Variants in ZNF804B observed in about 807,000 individuals in gnomAD.
ZNF804B encodes the protein zinc finger 804B.
ZNF804B carries 80 observed loss-of-function variants against 101.4 expected under a neutral mutation model. The observed-to-expected ratio is 0.79, with a 90% confidence interval of 0.66 to 0.95. The LOEUF is 0.95. Ranked by LOEUF, ZNF804B falls within the 40% of genes least tolerant of loss-of-function variation. ZNF804B has a pLI of 0.00. For missense variants in ZNF804B, 1,673 were observed against 1,561.9 expected, an observed-to-expected ratio of 1.07 and a Z score of -1.20; for synonymous variants, 622 against 558.8, an observed-to-expected ratio of 1.11 and a Z score of -1.59.
At chr7:89,265,249 G>T (rs1430113317) in intron 2 of ZNF804B, among the ~76,000 whole-genome samples, 1 of 150,490 alleles carries the variant, frequency 6.6e-6, no homozygotes, top group Non-Finnish European at 1.5e-5. Context: ...AGATTATAAA[G>T]TTCACAGGTT....
intron 2 of ZNF804B, among the ~76,000 whole-genome samples, chr7:89,294,758 A>G (rs1036798490): frequency 2.6e-5 from 4 of 151,862 alleles, no homozygotes; most frequent in African/African-American, 7.3e-5. Context: ...TTTTTCATAT[A>G]TATTAATGTA....
At chr7:89,057,330 A>G (rs1789312400) in intron 1 of ZNF804B, among the ~76,000 whole-genome samples, 1 of 151,982 alleles carries the variant, frequency 6.6e-6, no homozygotes, top group Non-Finnish European at 1.5e-5. Context: ...CTATAACTAT[A>G]TTTCTGTCCA....
At chr7:89,332,520 G>A (rs1430313551) in intron 3 of ZNF804B, among the ~76,000 whole-genome samples, 1 of 151,768 alleles carries the variant, frequency 6.6e-6, no homozygotes, top group Non-Finnish European at 1.5e-5. Context: ...CTTCTTTCCA[G>A]TGAAGCCTTC....
chr7:88,794,986 T>G, intron 1 of ZNF804B: 1 of 1,488,134 alleles, frequency 6.7e-7, no homozygotes, highest in South Asian at 1.4e-5. Context: ...GCTTTTAGCT[T>G]ATCATAATAT....
At chr7:89,140,280 T>C (rs1413213614) in intron 1 of ZNF804B, among the ~76,000 whole-genome samples, 1 of 152,074 alleles carries the variant, frequency 6.6e-6, no homozygotes, top group African/African-American at 2.4e-5. Flanking sequence ...TTTACCATAA[T>C]TCTTAGTGGC....
intron 1 of ZNF804B, among the ~76,000 whole-genome samples, chr7:89,062,183 A>G (rs973761170): frequency 1.3e-5 from 2 of 152,086 alleles, no homozygotes; most frequent in Non-Finnish European, 2.9e-5. Context: ...GAAATATACA[A>G]TCCTGCCACT....
intron 1 of ZNF804B, among the ~76,000 whole-genome samples, chr7:89,214,823 T>G (rs1221273361): frequency 6.6e-6 from 1 of 152,152 alleles, no homozygotes; most frequent in Admixed American, 6.5e-5. Context: ...AAATAAGAGA[T>G]TCTTGAATAT....
chr7:88,962,505 A>G (rs4727196), intron 1 of ZNF804B, among the ~76,000 whole-genome samples: 112,801 of 150,224 alleles, frequency 0.75, 42,590 homozygotes, highest in South Asian at 0.84. Flanking sequence ...GTTCCTAACG[A>G]GGTGGCTGCG....
chr7:89,193,700 T>C (rs1788497551), intron 1 of ZNF804B, among the ~76,000 whole-genome samples: 1 of 152,132 alleles, frequency 6.6e-6, no homozygotes, highest in Non-Finnish European at 1.5e-5. Flanking sequence ...GTTTTCTTAA[T>C]CCAGTCTATC....
chr7:89,226,728 T>C (rs1172245155), intron 2 of ZNF804B, among the ~76,000 whole-genome samples: 1 of 152,158 alleles, frequency 6.6e-6, no homozygotes, highest in Non-Finnish European at 1.5e-5. Flanking sequence ...ACTCGGAATT[T>C]ACATTATTGT....
chr7:88,789,079 G>A (rs977667557), intron 1 of ZNF804B, among the ~76,000 whole-genome samples: 4 of 152,006 alleles, frequency 2.6e-5, no homozygotes, highest in African/African-American at 9.7e-5. Flanking sequence ...TAAATCCAAA[G>A]TCCAACCATT....
chr7:89,108,035 G>A (rs1014641631), intron 1 of ZNF804B, among the ~76,000 whole-genome samples: 2 of 152,082 alleles, frequency 1.3e-5, no homozygotes, highest in Non-Finnish European at 2.9e-5. Flanking sequence ...GGAAGTCAAA[G>A]GGGGCTGAAC....
chr7:89,185,050 G>A (rs920349598), intron 1 of ZNF804B, among the ~76,000 whole-genome samples: 1 of 152,016 alleles, frequency 6.6e-6, no homozygotes, highest in Non-Finnish European at 1.5e-5. Context: ...TGGACTCTAA[G>A]GGATACAAAA....
intron 1 of ZNF804B, among the ~76,000 whole-genome samples, chr7:88,896,571 T>C (rs1018396485): frequency 6.6e-6 from 1 of 152,172 alleles, no homozygotes; most frequent in Admixed American, 6.5e-5. Context: ...CATGTATGAT[T>C]TTGTATGTTG....
chr7:89,249,093 A>G (rs749464540), intron 2 of ZNF804B, among the ~76,000 whole-genome samples: 16 of 151,998 alleles, frequency 1.1e-4, no homozygotes, highest in Non-Finnish European at 1.8e-4. Context: ...CAACAAGAAG[A>G]CTTAACTATC....
Position 89,114,792 on chromosome 7 carries a change from C to T in ZNF804B, c.109-103363C>T, listed in dbSNP as rs79771613. On this transcript the variant is annotated intron_variant, in intron 1 of 3. Coordinates refer to ENST00000333190, the MANE Select transcript of ZNF804B (RefSeq NM_181646.5). ...TGCTTAGAATCATGGAGGGTTGAGC[C>T]AGTGCTGAAACCAGGAAAGGTAAAT... 1.8e-3 allele frequency among the ~76,000 whole-genome samples: 279 copies of T among 152,220 alleles called. 5 individuals carry two copies. The East Asian group carries it at 0.042, about 23-fold the overall frequency.
chr7:89,027,359 TA>T, intron 1 of ZNF804B, among the ~76,000 whole-genome samples: 1 of 152,094 alleles, frequency 6.6e-6, no homozygotes, highest in Non-Finnish European at 1.5e-5. Context: ...TGCACAATGG[TA>T]GATGGACTAA....
Position 89,337,983 on chromosome 7 carries a change from TG to T in ZNF804B, c.*953del, listed in dbSNP as rs563340772. 5.1e-4 allele frequency among the ~76,000 whole-genome samples: 77 copies of T among 152,224 alleles called. 1 individual carries two copies. Among genetic ancestry groups the T allele is most frequent in the Admixed American group, 3.3e-3 (50 of 15,284 alleles). On this transcript the variant is annotated 3_prime_UTR_variant, in exon 4 of 4. Coordinates refer to ENST00000333190, the MANE Select transcript of ZNF804B (RefSeq NM_181646.5). ...TATTGAGGATATCTTATTAAATATC[TG>T]GTGTGTTTTATTCAATTGTACTAGA...
intron 2 of ZNF804B, among the ~76,000 whole-genome samples, chr7:89,291,383 C>T (rs1329065480): frequency 1.3e-5 from 2 of 152,040 alleles, no homozygotes; most frequent in African/African-American, 4.8e-5. Flanking sequence ...ACATTCATAA[C>T]ACAGAGAAGG....
Sources: allele counts gnomAD v4.1 joint callset (sites outside exome capture counted in the v4.1 genomes callset), GRCh38; gene constraint gnomAD v4.1.1; transcripts MANE v1.5; gene names NCBI Gene and HGNC (gene_info 2026-07-23, HGNC 2026-07-21).